DOCK4: variants seen among roughly 807,000 people sequenced by gnomAD.
DOCK4 encodes the protein dedicator of cytokinesis 4, also known as dedicator of cytokinesis protein 4.
In DOCK4, 97 loss-of-function variants were observed where a neutral mutation model predicts 268.1. The ratio of observed to expected loss-of-function variants is 0.36; its 90% CI spans 0.31 to 0.43. The LOEUF (loss-of-function observed/expected upper bound fraction) is 0.43, where lower values mean the gene tolerates loss of function less well. Among genes scored for constraint, DOCK4 ranks in the 20% least tolerant of loss-of-function variants. The pLI, the probability that DOCK4 is intolerant of heterozygous loss-of-function variation, is 1.00. For synonymous variants in DOCK4, 954 were observed against 887.2 expected (o/e 1.08, Z -1.34); for missense variants, 2,145 against 2,455.7 (o/e 0.87, Z 2.67).
intron 11 of DOCK4, among the ~76,000 whole-genome samples, chr7:111,938,573 G>T (rs1354340289): frequency 2.6e-5 from 4 of 152,118 alleles, no homozygotes; most frequent in Non-Finnish European, 5.9e-5. Context: ...TGGCACGGTG[G>T]TGTGGGCCAA....
At position 111,872,261 on chromosome 7, in the gene DOCK4, G is replaced by C; in HGVS notation, c.1926+8C>G. 6.6e-7 allele frequency: 1 copy of C among 1,519,642 alleles called. No homozygotes were observed. Among genetic ancestry groups the C allele is most frequent in the Non-Finnish European group, 8.9e-7 (1 of 1,129,062 alleles). The allele number at this position is 1,519,642 out of a possible 1,614,324, so 94.1% of individuals were successfully genotyped here. On this transcript the variant is annotated splice_region_variant and intron_variant, in intron 19 of 52. Coordinates refer to ENST00000428084, the MANE Select transcript of DOCK4 (RefSeq NM_001363540.2). The stretch of plus-strand genomic sequence containing the variant: ...AGTTAAAATACAATTAAGGGAATTT[G>C]AACTTACCAAAGAATCAAACACTTT...
intron 1 of DOCK4, among the ~76,000 whole-genome samples, chr7:112,086,841 TCA>T (rs1395543434): frequency 6.6e-6 from 1 of 152,124 alleles, no homozygotes; most frequent in Non-Finnish European, 1.5e-5. Context: ...GGGAATTTTG[TCA>T]CAGTTTACAC....
Position 111,947,199 on chromosome 7 carries a change from C to G in DOCK4, c.702-1401G>C, listed in dbSNP as rs557253401. ...GGAAGCCTCTATGTTATCACCCGAT[C>G]CTTGCCTTAAATAATGGTTCTGTCA... On this transcript the variant is annotated intron_variant, in intron 8 of 52. Transcript: ENST00000428084. Among the ~76,000 whole-genome samples the G allele has an allele frequency of 3.9e-5, 6 of 152,240 alleles. No individual in the cohort carries two copies. The East Asian group carries it at 1.2e-3, about 29-fold the overall frequency.
intron 30 of DOCK4, among the ~76,000 whole-genome samples, chr7:111,795,564 T>C (rs1303852322): frequency 6.6e-6 from 1 of 152,120 alleles, no homozygotes; most frequent in Non-Finnish European, 1.5e-5. Flanking sequence ...CTCTTGAAAA[T>C]GATCATGCCT....
chr7:111,747,345 C>T lies in DOCK4; in HGVS notation c.4515G>A (p.Gln1505=), dbSNP rs1196021740. The change falls in exon 43 of 53, where the codon CAG becomes CAA. Residue 1505 remains glutamine (Q), a synonymous_variant. Transcript: ENST00000428084. The part of the protein sequence containing the change: ...LISQCQTRQM[Q]NINPLTMCLN... Reference sequence around the variant, plus strand: ...GGCACATAGTCAGGGGATTAATATTCTGCATCTGTCTTGTCTGACACTGAC... The same window carrying T: ...GGCACATAGTCAGGGGATTAATATTTTGCATCTGTCTTGTCTGACACTGAC... 1.2e-6 allele frequency: 2 copies of T among 1,613,652 alleles called. No homozygotes were observed. Among genetic ancestry groups the T allele is most frequent in the East Asian group, 4.5e-5 (2 of 44,874 alleles).
At chr7:111,757,187 AG>A (rs1356555180) in intron 41 of DOCK4, among the ~76,000 whole-genome samples, 1 of 152,114 alleles carries the variant, frequency 6.6e-6, no homozygotes. Flanking sequence ...GTTTGGAGCC[AG>A]ATTCTGAGGG....
chr7:111,979,564 C>T lies in DOCK4; in HGVS notation c.550-2281G>A, dbSNP rs531847691. ...TAACTAACAAGGCTTCACCATCCCC[C>T]CTCCACCCCGCCAGAACTGCTAACT... On this transcript the variant is annotated intron_variant, in intron 7 of 52. Coordinates refer to ENST00000428084, the MANE Select transcript of DOCK4 (RefSeq NM_001363540.2). Among the ~76,000 whole-genome samples the T allele has an allele frequency of 9.2e-5, 14 of 151,994 alleles. No homozygotes were observed. The South Asian group carries it at 2.7e-3, about 29-fold the overall frequency.
At chr7:112,131,716 G>GA (rs916229547) in intron 1 of DOCK4, among the ~76,000 whole-genome samples, 65 of 150,448 alleles carry the variant, frequency 4.3e-4, no homozygotes, top group Admixed American at 1.4e-3. Flanking sequence ...ATGAGAAAGA[G>GA]AAAAAAAAAT....
At chr7:112,066,254 C>A (rs1217014207) in intron 1 of DOCK4, among the ~76,000 whole-genome samples, 1 of 152,030 alleles carries the variant, frequency 6.6e-6, no homozygotes, top group African/African-American at 2.4e-5. Flanking sequence ...CTATTTTGCT[C>A]ACTCTCTCTT....
intron 1 of DOCK4, among the ~76,000 whole-genome samples, chr7:112,160,749 T>G (rs1817036883): frequency 6.6e-6 from 1 of 152,212 alleles, no homozygotes; most frequent in African/African-American, 2.4e-5. Context: ...AACTTTAGCT[T>G]TCTATACACT....
At chr7:112,059,776 G>C (rs1021787437) in intron 1 of DOCK4, among the ~76,000 whole-genome samples, 1 of 152,182 alleles carries the variant, frequency 6.6e-6, no homozygotes, top group Non-Finnish European at 1.5e-5. Context: ...AGCAGTTATA[G>C]AGACATTTTC....
rs186031092 is a variant in DOCK4, at chr7:111,822,414, G to A, written c.2878C>T (p.Arg960Cys). The change falls in exon 27 of 53, where the codon CGC (arginine) becomes TGC (cysteine). Residue 960 changes from arginine (R) to cysteine (C), a missense_variant. By Grantham distance (180) the Arg-to-Cys change is radical. Coordinates refer to ENST00000428084, the MANE Select transcript of DOCK4 (RefSeq NM_001363540.2). Reference sequence around the variant, plus strand: ...CAGTCCTTTGGAAACATCTCCGGGCGTATCAATATTCGGAACACAGTAAAT... The same window carrying A: ...CAGTCCTTTGGAAACATCTCCGGGCATATCAATATTCGGAACACAGTAAAT... ...QIFTVFRILIRPEMFPKDWTV... is the reference protein window; with the variant it reads ...QIFTVFRILICPEMFPKDWTV... 1.5e-5 allele frequency: 24 copies of A among 1,613,440 alleles called. No homozygotes were observed. Among genetic ancestry groups the A allele is most frequent in the East Asian group, 4.5e-5 (2 of 44,860 alleles).
At chr7:111,730,542 C>T (rs890196140) in intron 52 of DOCK4, among the ~76,000 whole-genome samples, 11 of 152,160 alleles carry the variant, frequency 7.2e-5, no homozygotes, top group African/African-American at 2.7e-4. Flanking sequence ...TCACTGCTAC[C>T]TCTGTCAAAA....
chr7:111,954,587 G>C (rs1796310519), intron 8 of DOCK4, among the ~76,000 whole-genome samples: 1 of 152,200 alleles, frequency 6.6e-6, no homozygotes. Context: ...GCGTCAGCAA[G>C]ATAGCAGAAG....
rs1355856524 is a variant in DOCK4, at chr7:111,791,101, A to ATATATAT, written c.3167-497_3167-496insATATATA. 2.0e-3 allele frequency among the ~76,000 whole-genome samples: 237 copies of ATATATAT among 115,828 alleles called. 9 individuals are homozygous for ATATATAT. Among genetic ancestry groups the ATATATAT allele is most frequent in the Middle Eastern group, 8.5e-3 (2 of 234 alleles). The allele number at this position is 115,828 out of a possible 152,430, so 76.0% of individuals were successfully genotyped here. On this transcript the variant is annotated intron_variant, in intron 30 of 52. Coordinates refer to ENST00000428084, the MANE Select transcript of DOCK4 (RefSeq NM_001363540.2). ...ATATATATATATATATATATATATAAAATAAATCATCAGGAATTGGTTATG... is the reference window on the plus strand; with the variant it reads ...ATATATATATATATATATATATATAATATATATAATAAATCATCAGGAATTGGTTATG...
In DOCK4 at chr7:111,872,347, C is replaced by A; in HGVS notation, c.1848G>T (p.Leu616=). Residue 616 remains leucine (L), a synonymous_variant, in exon 19 of 53, where the codon CTG becomes CTT. Coordinates refer to ENST00000428084, the MANE Select transcript of DOCK4 (RefSeq NM_001363540.2). ...CAAATAAGGTATCCAGTGTATCCTG[C>A]AGAAACTGTTAGATAAAGAAGTAGC... The part of the protein sequence containing the change: ...EIDGSEIVKF[L]QDTLDTLFGI... 6.4e-7 allele frequency: 1 copy of A among 1,556,592 alleles called. No individual in the cohort carries two copies.
chr7:111,924,285 C>G (rs1003395502), intron 12 of DOCK4, among the ~76,000 whole-genome samples: 5 of 152,046 alleles, frequency 3.3e-5, no homozygotes, highest in Non-Finnish European at 7.4e-5. Context: ...CACAGGGATC[C>G]CATGCATCAT....
Position 112,000,486 on chromosome 7 carries a change from A to C in DOCK4, c.162+8T>G, listed in dbSNP as rs755625754. On this transcript the variant is annotated splice_region_variant and intron_variant, in intron 3 of 52. Transcript: ENST00000428084. ...TTCATAATTATAGTTAGAAATAACA[A>C]TTTTTACCTTGATATTTGGGTTTTT... The C allele has an allele frequency of 1.4e-6, 2 of 1,467,224 alleles. No individual in the cohort carries two copies. Among genetic ancestry groups the C allele is most frequent in the South Asian group, 1.3e-5 (1 of 76,234 alleles). The allele number at this position is 1,467,224 out of a possible 1,614,324, so 90.9% of individuals were successfully genotyped here. A position where few individuals can be genotyped will look rare whatever the true frequency, so the allele number is the denominator to read the frequency against.
chr7:111,776,946 A>G (rs1208665589), intron 36 of DOCK4, among the ~76,000 whole-genome samples: 1 of 152,062 alleles, frequency 6.6e-6, no homozygotes, highest in African/African-American at 2.4e-5. Flanking sequence ...CCTCCCGAGT[A>G]GCTGGGACTA....
Sources: gnomAD v4.1 joint callset for allele counts (sites outside exome capture counted in the v4.1 genomes callset) on GRCh38, gnomAD v4.1.1 for gene constraint, MANE v1.5 for transcripts, NCBI Gene and HGNC (gene_info 2026-07-23, HGNC 2026-07-21) for gene names.